Variants in MYOM2 observed in about 807,000 individuals in gnomAD.
MYOM2 encodes the protein myomesin-2.
In MYOM2, 254 loss-of-function variants were observed where a neutral mutation model predicts 187.6. That is an observed-to-expected ratio of 1.35 (90% CI 1.22 to 1.50). The LOEUF is 1.50. Ranked by LOEUF, MYOM2 falls within the 40% of genes most tolerant of loss-of-function variation. The pLI, the probability that MYOM2 is intolerant of heterozygous loss-of-function variation, is 0.00. For missense variants in MYOM2, 2,796 were observed against 1,924.0 expected, an observed-to-expected ratio of 1.45 and a Z score of -8.48; for synonymous variants, 981 against 753.8, an observed-to-expected ratio of 1.30 and a Z score of -4.94.
intron 25 of MYOM2, 109 bp downstream of exon 25, chr8:2,109,640 C>A (rs964653723): frequency 4.1e-6 from 5 of 1,233,090 alleles, no homozygotes; most frequent in African/African-American, 3.1e-5. Flanking sequence ...CTTTTCTGAG[C>A]CTTAAAGATT....
chr8:2,081,116 T>C (rs112530839), intron 13 of MYOM2, among the ~76,000 whole-genome samples: 2 of 132,012 alleles, frequency 1.5e-5, no homozygotes, highest in South Asian at 2.7e-4. Context: ...AGAATGAGGT[T>C]GGTTCTGGCC....
rs1447497396 is a variant in MYOM2, at chr8:2,094,024, G to A, written c.2058G>A (p.Ala686=). The A allele has an allele frequency of 1.4e-5, 22 of 1,613,992 alleles. No homozygotes were observed. The highest frequency in any genetic ancestry group is 2.2e-5 in the East Asian group (1 of 44,884). The change falls in exon 17 of 37, where the codon GCG becomes GCA. Residue 686 remains alanine, a synonymous_variant. Transcript: ENST00000262113. ...AGCAGTACATCTTCCGAGTCAAGGC[G>A]GTCAATGCTGTGGGGATGAGTGAAA... ...TGEQYIFRVK[A]VNAVGMSENS...
At chr8:2,074,775 G>C (rs564644482) in intron 10 of MYOM2, among the ~76,000 whole-genome samples, 1 of 152,308 alleles carries the variant, frequency 6.6e-6, no homozygotes, top group South Asian at 2.1e-4. Context: ...GCTTTTATCA[G>C]TGTCTGTTTC....
In MYOM2 at chr8:2,116,011, G is replaced by C. The variant is rs756077779; in HGVS notation, c.3232G>C (p.Asp1078His). The C allele has an allele frequency of 6.2e-7, 1 of 1,613,876 alleles. No homozygotes were observed. The highest frequency in any genetic ancestry group is 1.7e-5 in the Admixed American group (1 of 59,990). ...KATGIIEMVMDRFSIENEGTY... is the reference protein window; with the variant it reads ...KATGIIEMVMHRFSIENEGTY... ...TACTGGCATTATTGAGATGGTGATG[G>C]ATCGATTTAGTATTGAAAATGAGGG... Residue 1078 changes from aspartate to histidine, a missense_variant, in exon 26 of 37, where the codon GAT becomes CAT. By Grantham distance (81) the Asp-to-His change is moderately conservative. Coordinates refer to ENST00000262113, the MANE Select transcript of MYOM2 (RefSeq NM_003970.4).
chr8:2,062,755 T>G (rs1585835737), intron 6 of MYOM2, among the ~76,000 whole-genome samples: 1 of 152,144 alleles, frequency 6.6e-6, no homozygotes, highest in East Asian at 1.9e-4. Context: ...ACCCTGTGTG[T>G]GCTGTGAATG....
intron 25 of MYOM2, among the ~76,000 whole-genome samples, chr8:2,111,959 T>C (rs577775602): frequency 6.6e-6 from 1 of 152,230 alleles, no homozygotes; most frequent in Non-Finnish European, 1.5e-5. Context: ...TTTGTGTTTA[T>C]GGGAAATCAA....
chr8:2,120,939 T>C (rs943567761), intron 28 of MYOM2, among the ~76,000 whole-genome samples: 1 of 151,446 alleles, frequency 6.6e-6, no homozygotes, highest in South Asian at 2.1e-4. Context: ...CTTGCACTAG[T>C]GTGTTTAAAA....
In MYOM2 at chr8:2,100,929, C is replaced by T. The variant is rs749315192; in HGVS notation, c.2494C>T (p.Leu832=). ...GGTCAGGGACACGTCCTTGGTCATGCTGTGGAAGGCCCCTGTGTACTCCGG... is the reference window on the plus strand; with the variant it reads ...GGTCAGGGACACGTCCTTGGTCATGTTGTGGAAGGCCCCTGTGTACTCCGG... ...CEVRDTSLVM[L]WKAPVYSGSS... Residue 832 remains leucine (L), a synonymous_variant, in exon 20 of 37, where the codon CTG becomes TTG. Transcript: ENST00000262113. 2 of 1,614,186 alleles carry T rather than the reference C, an allele frequency of 1.2e-6. No individual in the cohort carries two copies. The highest frequency in any genetic ancestry group is 1.1e-5 in the South Asian group (1 of 91,082).
chr8:2,086,419 CTGTTGTGATCTCTGCGTGGCCCCCT>C (rs1796063245), intron 14 of MYOM2, among the ~76,000 whole-genome samples: 1 of 142,510 alleles, frequency 7.0e-6, no homozygotes, highest in Non-Finnish European at 1.5e-5. Context: ...TGGCCTCCCA[CTGTTGTGATCTCTGCGTGGCCCCCT>C]ACTGTCGTGA....
intron 31 of MYOM2, among the ~76,000 whole-genome samples, chr8:2,125,435 C>G (rs1045962450): frequency 6.6e-6 from 1 of 151,986 alleles, no homozygotes; most frequent in South Asian, 2.1e-4. Context: ...TTATCCTGTT[C>G]CATTGGCCGA....
intron 25 of MYOM2, among the ~76,000 whole-genome samples, chr8:2,110,936 C>T (rs143928854): frequency 6.8e-4 from 104 of 152,308 alleles, no homozygotes; most frequent in South Asian, 3.9e-3. Flanking sequence ...GTGGGAGAGT[C>T]GGCTAGAAAG....
chr8:2,049,086 C>T (rs1024240999), intron 1 of MYOM2, among the ~76,000 whole-genome samples: 5 of 152,162 alleles, frequency 3.3e-5, no homozygotes, highest in South Asian at 2.1e-4. Flanking sequence ...CTACTGCGCC[C>T]GGCTGCTTTT....
chr8:2,127,170 G>A (rs1454278241), intron 31 of MYOM2, among the ~76,000 whole-genome samples: 1 of 152,056 alleles, frequency 6.6e-6, no homozygotes, highest in Non-Finnish European at 1.5e-5. Flanking sequence ...TGGCTCTGCA[G>A]TGTGTTGACT....
chr8:2,050,790 C>G lies in MYOM2; in HGVS notation c.24C>G (p.Phe8Leu). The G allele has an allele frequency of 6.2e-7, 1 of 1,613,070 alleles. No homozygotes were observed. The highest frequency in any genetic ancestry group is 2.2e-5 in the East Asian group (1 of 44,816). ...AGATGTCCCTTGTGACTGTCCCCTT[C>G]TACCAGAAGAGACATAGGCACTTCG... The part of the protein sequence containing the change: MSLVTVP[F>L]YQKRHRHFDQ... Residue 8 changes from phenylalanine (F) to leucine (L), a missense_variant, in exon 2 of 37, where the codon TTC becomes TTG. Phe to Leu is a conservative substitution (Grantham distance 22). Transcript: ENST00000262113.
intron 23 of MYOM2, among the ~76,000 whole-genome samples, chr8:2,107,819 C>A (rs1256143002): frequency 1.3e-5 from 2 of 152,210 alleles, no homozygotes; most frequent in Non-Finnish European, 2.9e-5. Flanking sequence ...TCCTGAAGGA[C>A]TTCTGAAAAG....
intron 6 of MYOM2, 47 bp from the exon 7 acceptor site, chr8:2,069,231 T>A: frequency 6.4e-7 from 1 of 1,569,048 alleles, no homozygotes; most frequent in Non-Finnish European, 8.7e-7. Context: ...GTCACTGACT[T>A]TTACACAACA....
At chr8:2,052,137 A>C in intron 2 of MYOM2, 21 bp from the exon 3 acceptor site, 4 of 1,612,632 alleles carry the variant, frequency 2.5e-6, no homozygotes, top group Non-Finnish European at 3.4e-6. Context: ...GCATCTCCTA[A>C]TCGTGTCCAT....
chr8:2,126,515 GAC>G (rs769878187), intron 31 of MYOM2, among the ~76,000 whole-genome samples: 29 of 152,096 alleles, frequency 1.9e-4, no homozygotes, highest in African/African-American at 3.9e-4. Context: ...CTCACACACT[GAC>G]ACACACACTC....
intron 21 of MYOM2, among the ~76,000 whole-genome samples, chr8:2,104,636 G>A (rs1278215989): frequency 6.6e-6 from 1 of 151,956 alleles, no homozygotes; most frequent in Non-Finnish European, 1.5e-5. Context: ...AGTTTATTTG[G>A]CTCATGATTC....
Sources: gnomAD v4.1 joint callset for allele counts (sites outside exome capture counted in the v4.1 genomes callset) on GRCh38, gnomAD v4.1.1 for gene constraint, MANE v1.5 for transcripts, NCBI Gene and HGNC (gene_info 2026-07-23, HGNC 2026-07-21) for gene names.